The following ROBO1 variants were observed in gnomAD, a reference collection of about 807,000 sequenced individuals.
ROBO1 encodes the protein roundabout guidance receptor 1.
In ROBO1, 149 loss-of-function variants were observed where a neutral mutation model predicts 195.9. The observed-to-expected ratio is 0.76, with a 90% CI of 0.67 to 0.87. The LOEUF is 0.87. Ranked by LOEUF, ROBO1 falls within the 40% of genes least tolerant of loss-of-function variation. The pLI, the probability that ROBO1 is intolerant of heterozygous loss-of-function variation, is 0.00. For synonymous variants in ROBO1, 816 were observed against 733.2 expected, an observed-to-expected ratio of 1.11 and a Z score of -1.82; for missense variants, 1,933 against 2,068.3, an observed-to-expected ratio of 0.93 and a Z score of 1.27.
At chr3:79,188,027 A>T (rs183456677) in intron 2 of ROBO1, among the ~76,000 whole-genome samples, 1 of 151,932 alleles carries the variant, frequency 6.6e-6, no homozygotes, top group African/African-American at 2.4e-5. Flanking sequence ...GATAAAAACA[A>T]AAGTTTATCT....
intron 2 of ROBO1, among the ~76,000 whole-genome samples, chr3:79,522,921 A>AT (rs1353269835): frequency 1.3e-5 from 2 of 152,130 alleles, no homozygotes; most frequent in Non-Finnish European, 2.9e-5. Flanking sequence ...ATTGGAACCT[A>AT]AATAACATGT....
intron 1 of ROBO1, among the ~76,000 whole-genome samples, chr3:79,766,104 T>C (rs914437415): frequency 2.0e-5 from 3 of 151,376 alleles, no homozygotes; most frequent in Non-Finnish European, 4.4e-5. Flanking sequence ...CCTTCATCTA[T>C]AGAAGGAGCC....
chr3:79,207,333 A>C (rs1165786956), intron 2 of ROBO1, among the ~76,000 whole-genome samples: 14 of 152,140 alleles, frequency 9.2e-5, no homozygotes. Flanking sequence ...CCTTTTTTGA[A>C]GGAGGTCAAT....
At chr3:79,122,711 G>A (rs989096901) in intron 3 of ROBO1, among the ~76,000 whole-genome samples, 1 of 151,896 alleles carries the variant, frequency 6.6e-6, no homozygotes, top group African/African-American at 2.4e-5. Context: ...AAATTAGCTT[G>A]CAGTGGAAAT....
chr3:79,669,229 A>C (rs576381954), intron 1 of ROBO1, among the ~76,000 whole-genome samples: 1 of 151,842 alleles, frequency 6.6e-6, no homozygotes, highest in South Asian at 2.1e-4. Flanking sequence ...TCCCTGTACC[A>C]GCTCTCTTTT....
At chr3:78,725,973 C>T (rs1430511295) in intron 5 of ROBO1, among the ~76,000 whole-genome samples, 1 of 151,802 alleles carries the variant, frequency 6.6e-6, no homozygotes, top group African/African-American at 2.4e-5. Context: ...ACAATGTTAT[C>T]CATACACCTC....
In ROBO1 at chr3:79,125,386, G is replaced by T. The variant is rs1193285073; in HGVS notation, c.172+70C>A. On this transcript the variant is annotated intron_variant, in intron 3 of 30. Coordinates refer to ENST00000464233, the MANE Select transcript of ROBO1 (RefSeq NM_002941.4). ...GGGATGATTCGATTAATTTTATACA[G>T]GTGGTTGATGGTTGATGGAGGTGGA... 1.1e-5 allele frequency: 13 copies of T among 1,204,192 alleles called. No homozygotes were observed. The East Asian group carries it at 3.1e-4, about 29-fold the overall frequency. The allele number at this position is 1,204,192 out of a possible 1,614,324, so 74.6% of individuals were successfully genotyped here.
intron 3 of ROBO1, among the ~76,000 whole-genome samples, chr3:79,023,671 A>ATTTTTTATT (rs2078144678): frequency 8.7e-6 from 1 of 114,856 alleles, no homozygotes; most frequent in Non-Finnish European, 1.7e-5. Context: ...AATAGGGCCA[A>ATTTTTTATT]TTTTTTTTTT....
At chr3:78,866,558 A>T (rs2035194736) in intron 4 of ROBO1, among the ~76,000 whole-genome samples, 1 of 152,224 alleles carries the variant, frequency 6.6e-6, no homozygotes, top group Non-Finnish European at 1.5e-5. Context: ...AAAGAAGCTA[A>T]TATTATATAG....
chr3:79,389,966 T>C (rs773845574), intron 2 of ROBO1, among the ~76,000 whole-genome samples: 3 of 152,130 alleles, frequency 2.0e-5, no homozygotes, highest in Non-Finnish European at 2.9e-5. Context: ...TGGATGATAC[T>C]CAGAGCACAA....
chr3:79,272,004 G>A (rs1469778798), intron 2 of ROBO1, among the ~76,000 whole-genome samples: 2 of 151,956 alleles, frequency 1.3e-5, no homozygotes, highest in African/African-American at 4.8e-5. Flanking sequence ...GAGTGCGTGG[G>A]GTGGTTGTAC....
chr3:79,643,993 T>C (rs375357576), intron 1 of ROBO1, among the ~76,000 whole-genome samples: 5 of 152,232 alleles, frequency 3.3e-5, no homozygotes, highest in South Asian at 4.1e-4. Context: ...AAGACACTTA[T>C]AGACTGAAAG....
intron 2 of ROBO1, among the ~76,000 whole-genome samples, chr3:79,317,657 T>A (rs543963469): frequency 2.0e-5 from 3 of 152,164 alleles, no homozygotes; most frequent in Non-Finnish European, 4.4e-5. Flanking sequence ...TGGACCTAGA[T>A]CATAATCAAC....
chr3:79,445,481 GT>G (rs34514488), intron 2 of ROBO1, among the ~76,000 whole-genome samples: 18,838 of 85,640 alleles, frequency 0.22, 1,490 homozygotes, highest in African/African-American at 0.34. Context: ...TACAGAAATT[GT>G]TTTTTTTTTT....
intron 3 of ROBO1, among the ~76,000 whole-genome samples, chr3:79,045,540 A>G (rs894219442): frequency 2.6e-5 from 4 of 152,132 alleles, no homozygotes; most frequent in East Asian, 1.9e-4. Context: ...GAAATGCAAT[A>G]TAAATAACAC....
intron 2 of ROBO1, among the ~76,000 whole-genome samples, chr3:79,436,316 T>C (rs1187084145): frequency 6.6e-6 from 1 of 151,934 alleles, no homozygotes; most frequent in Non-Finnish European, 1.5e-5. Flanking sequence ...CCTTTTATTT[T>C]TAGCCGGCCA....
At chr3:79,682,833 G>C (rs1946989059) in intron 1 of ROBO1, among the ~76,000 whole-genome samples, 1 of 151,972 alleles carries the variant, frequency 6.6e-6, no homozygotes, top group African/African-American at 2.4e-5. Context: ...TGTTCATGAA[G>C]TTAGCCAGTA....
At chr3:79,476,045 A>G (rs1938530927) in intron 2 of ROBO1, among the ~76,000 whole-genome samples, 1 of 152,114 alleles carries the variant, frequency 6.6e-6, no homozygotes, top group African/African-American at 2.4e-5. Flanking sequence ...GAAACAAATA[A>G]GCAAGAAAAA....
chr3:78,850,628 G>A (rs1356126844), intron 4 of ROBO1, among the ~76,000 whole-genome samples: 2 of 152,038 alleles, frequency 1.3e-5, no homozygotes, highest in Non-Finnish European at 2.9e-5. Context: ...CATGGAGGAG[G>A]GTTATGAGAA....
Sources: gnomAD v4.1 joint callset for allele counts (sites outside exome capture counted in the v4.1 genomes callset) on GRCh38, gnomAD v4.1.1 for gene constraint, MANE v1.5 for transcripts, NCBI Gene and HGNC (gene_info 2026-07-23, HGNC 2026-07-21) for gene names.